The following CKAP2 variants were observed in gnomAD, a reference collection of about 807,000 sequenced individuals.
CKAP2 encodes the protein cytoskeleton associated protein 2, also known as cytoskeleton-associated protein 2.
A neutral mutation model predicts 58.4 loss-of-function variants in CKAP2; 46 were observed. The observed-to-expected ratio is 0.79, with a 90% CI of 0.62 to 1.01. The LOEUF is 1.01. Among genes scored for constraint, CKAP2 ranks in the 50% least tolerant of loss-of-function variants. The pLI, the probability that CKAP2 is intolerant of heterozygous loss-of-function variation, is 0.00. For missense variants in CKAP2, 809 were observed against 796.4 expected, an observed-to-expected ratio of 1.02 and a Z score of -0.19; for synonymous variants, 293 against 280.9, an observed-to-expected ratio of 1.04 and a Z score of -0.43.
At chr13:52,466,422 A>C (rs1958678224) in intron 6 of CKAP2, among the ~76,000 whole-genome samples, 1 of 152,216 alleles carries the variant, frequency 6.6e-6, no homozygotes, top group Non-Finnish European at 1.5e-5. Flanking sequence ...TTAAATAAAA[A>C]ATCAGATATT....
chr13:52,472,374 GAATTA>G (rs778500487), intron 7 of CKAP2, among the ~76,000 whole-genome samples: 8 of 152,124 alleles, frequency 5.3e-5, no homozygotes, highest in Middle Eastern at 3.2e-3. Context: ...AATATTTGTT[GAATTA>G]ATCTATATTC....
At chr13:52,456,023 G>A in intron 1 of CKAP2, 1 of 1,051,278 alleles carries the variant, frequency 9.5e-7, no homozygotes, top group Non-Finnish European at 1.1e-6. Flanking sequence ...ATTTCTGCAG[G>A]GCTGGGGTCG....
chr13:52,469,535 T>G (rs1323516732), intron 7 of CKAP2, among the ~76,000 whole-genome samples: 1 of 152,158 alleles, frequency 6.6e-6, no homozygotes, highest in Non-Finnish European at 1.5e-5. Context: ...TACCCTCTTA[T>G]CTGTAAAATA....
Position 52,475,261 on chromosome 13 carries a change from C to A in CKAP2, c.*120C>A. The A allele has an allele frequency of 8.2e-7, 1 of 1,217,792 alleles. No homozygotes were observed. The highest frequency in any genetic ancestry group is 2.4e-5 in the Admixed American group (1 of 42,076). 75.4% of individuals were successfully genotyped at this position (1,217,792 alleles called of 1,614,324 possible). ...CATGTACCTATGTATCCTAAGCATT[C>A]ACGGCAGTGAGCTCCTTTACTAACA... On this transcript the variant is annotated 3_prime_UTR_variant, in exon 9 of 9. Coordinates refer to ENST00000258607, the MANE Select transcript of CKAP2 (RefSeq NM_018204.5).
chr13:52,473,380 T>C (rs1958785336), intron 7 of CKAP2, among the ~76,000 whole-genome samples: 1 of 152,224 alleles, frequency 6.6e-6, no homozygotes, highest in Non-Finnish European at 1.5e-5. Context: ...TACCTCCTGC[T>C]CCCACTCCTA....
intron 6 of CKAP2, among the ~76,000 whole-genome samples, chr13:52,467,797 TTTTTTG>T (rs1345499100): frequency 9.9e-5 from 15 of 151,926 alleles, no homozygotes; most frequent in Non-Finnish European, 7.4e-5. Flanking sequence ...CGTTTTTGGT[TTTTTTG>T]TTTTTGTTTT....
intron 7 of CKAP2, among the ~76,000 whole-genome samples, chr13:52,472,295 C>T (rs562067102): frequency 6.6e-6 from 1 of 152,306 alleles, no homozygotes; most frequent in Admixed American, 6.5e-5. Context: ...TAGATAAGGA[C>T]AGTGTCTGAT....
In CKAP2 at chr13:52,475,778, T is replaced by C. The variant is rs1958820728; in HGVS notation, c.*637T>C. 2 of 152,164 alleles carry C rather than the reference T, an allele frequency of 1.3e-5. No homozygotes were observed. The allele number at this position is 152,164 out of a possible 1,614,324, so 9.4% of individuals were successfully genotyped here. A position where few individuals can be genotyped will look rare whatever the true frequency, so the allele number is the denominator to read the frequency against. ...AGTAGTCTGTAGTTTCGTGGCCTCT[T>C]TTGATTATAACTGGGGTCACCAAGA... On this transcript the variant is annotated 3_prime_UTR_variant, in exon 9 of 9. Coordinates refer to ENST00000258607, the MANE Select transcript of CKAP2 (RefSeq NM_018204.5).
At chr13:52,467,282 A>G (rs1202057789) in intron 6 of CKAP2, among the ~76,000 whole-genome samples, 1 of 152,166 alleles carries the variant, frequency 6.6e-6, no homozygotes, top group African/African-American at 2.4e-5. Context: ...AAATTTTTGA[A>G]TGAATGAAGT....
At chr13:52,455,785 CT>C (rs1315118219) in intron 1 of CKAP2, among the ~76,000 whole-genome samples, 159 bp downstream of exon 1, 5 of 152,248 alleles carry the variant, frequency 3.3e-5, no homozygotes, top group African/African-American at 1.2e-4. Context: ...CATTCTTGGC[CT>C]TGTGGAACGG....
rs756842890 is a variant in CKAP2, at chr13:52,461,407, T to C, written c.581T>C (p.Leu194Pro). ...QSKINSFRKP[L>P]QVKDESSAAT... Reference sequence around the variant, plus strand: ...AAGATTAATTCATTTAGAAAACCTCTACAAGTCAAAGATGAGAGTTCTGCA... The same window carrying C: ...AAGATTAATTCATTTAGAAAACCTCCACAAGTCAAAGATGAGAGTTCTGCA... The change falls in exon 4 of 9, where the codon CTA (leucine) becomes CCA (proline). Residue 194 changes from leucine (L) to proline (P), a missense_variant. Leu to Pro is a moderately conservative substitution (Grantham distance 98). Transcript: ENST00000258607. The C allele has an allele frequency of 6.2e-7, 1 of 1,614,206 alleles. No homozygotes were observed. The highest frequency in any genetic ancestry group is 2.2e-5 in the East Asian group (1 of 44,884).
At chr13:52,456,376 T>C (rs1958479626) in intron 1 of CKAP2, 147 bp from the exon 2 acceptor site, 4 of 741,336 alleles carry the variant, frequency 5.4e-6, no homozygotes, top group Non-Finnish European at 8.5e-6. Flanking sequence ...AAAGGCAATA[T>C]TGAATTGGAG....
intron 5 of CKAP2, among the ~76,000 whole-genome samples, chr13:52,464,010 C>T (rs1463817177): frequency 1.3e-5 from 2 of 152,106 alleles, no homozygotes; most frequent in Non-Finnish European, 2.9e-5. Flanking sequence ...GATACTCAAC[C>T]TGTATCAAAG....
rs776677520 is a variant in CKAP2, at chr13:52,461,489, C to T, written c.663C>T (p.Asn221=). 2.6e-5 allele frequency: 42 copies of T among 1,613,988 alleles called. No homozygotes were observed. The highest frequency in any genetic ancestry group is 3.4e-5 in the Non-Finnish European group (40 of 1,179,988). The part of the protein sequence containing the change: ...IPKATKPQPV[N]TSSVTVKSNR... ...AAGCCACAAAACCTCAGCCTGTAAA[C>T]ACCAGCAGTGTAACAGTGAAAAGTA... is the stretch of plus-strand genomic sequence containing the variant. The change falls in exon 4 of 9, where the codon AAC becomes AAT. Residue 221 remains asparagine (N), a synonymous_variant. Transcript: ENST00000258607.
rs990811807 is a variant in CKAP2 at position 52,475,334 on chromosome 13, C to G, written c.*193C>G. On this transcript the variant is annotated 3_prime_UTR_variant, in exon 9 of 9. Coordinates refer to ENST00000258607, the MANE Select transcript of CKAP2 (RefSeq NM_018204.5). ...CCTCTACATTGGAAAGCTAATCCTA[C>G]CTTGTCAGTTTCAACCAACTGAGTT... 9.3e-6 allele frequency: 6 copies of G among 647,626 alleles called. No individual in the cohort carries two copies. Among genetic ancestry groups the G allele is most frequent in the African/African-American group, 9.2e-5 (5 of 54,630 alleles). 40.1% of individuals were successfully genotyped at this position (647,626 alleles called of 1,614,324 possible).
At chr13:52,465,238 A>G in intron 5 of CKAP2, 57 bp from the exon 6 acceptor site, 3 of 1,458,926 alleles carry the variant, frequency 2.1e-6, no homozygotes, top group South Asian at 1.2e-5. Context: ...AGGCTCAATT[A>G]TTGTTCCCAC....
chr13:52,465,635 A>C (rs2083391655), intron 6 of CKAP2, 170 bp downstream of exon 6: 1 of 664,476 alleles, frequency 1.5e-6, no homozygotes, highest in African/African-American at 1.8e-5. Context: ...TGGCTTTCTA[A>C]GTCTTTTATT....
chr13:52,456,088 G>A, intron 1 of CKAP2: 1 of 1,019,024 alleles, frequency 9.8e-7, no homozygotes, highest in Non-Finnish European at 1.2e-6. Flanking sequence ...TGGAAACCGA[G>A]GGTTGGTTGG....
intron 2 of CKAP2, among the ~76,000 whole-genome samples, chr13:52,460,520 C>G (rs867515670): frequency 1.3e-5 from 2 of 151,098 alleles, no homozygotes; most frequent in Non-Finnish European, 2.9e-5. Context: ...TCTTGGCTCA[C>G]TGCGAACTCC....
Sources: allele counts gnomAD v4.1 joint callset (sites outside exome capture counted in the v4.1 genomes callset), GRCh38; gene constraint gnomAD v4.1.1; transcripts MANE v1.5; gene names NCBI Gene and HGNC (gene_info 2026-07-23, HGNC 2026-07-21).